Variants in GREB1L observed in about 807,000 individuals in gnomAD.
The protein encoded by GREB1L is GREB1 like retinoic acid receptor coactivator.
Under a neutral mutation model 200.8 loss-of-function variants are expected in GREB1L, and 17 were observed. The observed-to-expected ratio is 0.08, with a 90% confidence interval of 0.06 to 0.13. GREB1L has a LOEUF of 0.13. Ranked by LOEUF, GREB1L falls within the 10% of genes least tolerant of loss-of-function variation. The pLI, the probability that GREB1L is intolerant of heterozygous loss-of-function variation, is 1.00. For missense variants in GREB1L, 1,657 were observed against 2,367.7 expected, an observed-to-expected ratio of 0.70 and a Z score of 6.23; for synonymous variants, 789 against 893.0, an observed-to-expected ratio of 0.88 and a Z score of 2.08.
intron 1 of GREB1L, among the ~76,000 whole-genome samples, chr18:21,280,168 T>C (rs1239427415): frequency 6.6e-6 from 1 of 152,192 alleles, no homozygotes; most frequent in Middle Eastern, 3.2e-3. Context: ...TGCTCTACCG[T>C]TGTACTAAAA....
intron 7 of GREB1L, among the ~76,000 whole-genome samples, chr18:21,424,656 C>T (rs1418381800): frequency 1.3e-5 from 2 of 152,114 alleles, no homozygotes; most frequent in East Asian, 3.8e-4. Flanking sequence ...TCATGCAATT[C>T]ATCCATTAAA....
chr18:21,509,364 G>A (rs1568072641), intron 27 of GREB1L, among the ~76,000 whole-genome samples: 1 of 152,186 alleles, frequency 6.6e-6, no homozygotes. Context: ...CCATTTTAAA[G>A]GGAAGTAATA....
chr18:21,390,284 T>C (rs1795306754), intron 4 of GREB1L, among the ~76,000 whole-genome samples: 1 of 133,072 alleles, frequency 7.5e-6, no homozygotes, highest in Admixed American at 7.9e-5. Flanking sequence ...AGTGCACTCC[T>C]TCTACTTATT....
At chr18:21,281,186 T>G (rs564689969) in intron 1 of GREB1L, among the ~76,000 whole-genome samples, 1 of 152,364 alleles carries the variant, frequency 6.6e-6, no homozygotes, top group South Asian at 2.1e-4. Flanking sequence ...GTTAATAACC[T>G]CACCTTTGTC....
chr18:21,384,781 A>C (rs2040467729), intron 4 of GREB1L, among the ~76,000 whole-genome samples: 1 of 144,966 alleles, frequency 6.9e-6, no homozygotes, highest in East Asian at 2.1e-4. Context: ...ACTTCTTTCT[A>C]TTCCCCCCCG....
intron 16 of GREB1L, among the ~76,000 whole-genome samples, chr18:21,475,400 C>T (rs2035647615): frequency 6.6e-6 from 1 of 152,122 alleles, no homozygotes; most frequent in South Asian, 2.1e-4. Context: ...CACTCTGTCA[C>T]CCAGGCTGGA....
chr18:21,433,786 T>A (rs1341383237), intron 7 of GREB1L, among the ~76,000 whole-genome samples: 2 of 152,214 alleles, frequency 1.3e-5, no homozygotes, highest in Admixed American at 6.5e-5. Context: ...TCCTGTTCCT[T>A]AGAGCATGCT....
intron 1 of GREB1L, among the ~76,000 whole-genome samples, chr18:21,335,457 A>G (rs1297624873): frequency 6.6e-6 from 1 of 152,166 alleles, no homozygotes; most frequent in Non-Finnish European, 1.5e-5. Context: ...GACAAAATTA[A>G]TCTGAGAAGT....
chr18:21,393,016 G>T (rs1341711597), intron 4 of GREB1L, among the ~76,000 whole-genome samples: 1 of 152,052 alleles, frequency 6.6e-6, no homozygotes, highest in African/African-American at 2.4e-5. Context: ...CAAGCGATCT[G>T]CCTCTTTGGC....
chr18:21,444,485 C>T (rs998284791), intron 11 of GREB1L, 76 bp downstream of exon 11: 2 of 1,127,228 alleles, frequency 1.8e-6, no homozygotes, highest in African/African-American at 3.1e-5. Context: ...CTTTCTTTCT[C>T]ACATTTATCC....
At chr18:21,417,267 A>G (rs1425527399) in intron 7 of GREB1L, among the ~76,000 whole-genome samples, 1 of 151,774 alleles carries the variant, frequency 6.6e-6, no homozygotes, top group African/African-American at 2.4e-5. Context: ...CACGCCTGTA[A>G]TCCTAGCACT....
chr18:21,268,560 C>CAT (rs370094258), intron 1 of GREB1L, among the ~76,000 whole-genome samples: 2,056 of 63,370 alleles, frequency 0.032, 74 homozygotes, highest in Admixed American at 0.055. Context: ...CACACACACA[C>CAT]ATATATATAT....
At chr18:21,308,531 G>A (rs1245958319) in intron 1 of GREB1L, among the ~76,000 whole-genome samples, 2 of 152,212 alleles carry the variant, frequency 1.3e-5, no homozygotes, top group African/African-American at 4.8e-5. Flanking sequence ...TTGGTCCATA[G>A]GGAGCTGATT....
At chr18:21,307,072 A>G (rs933048196) in intron 1 of GREB1L, among the ~76,000 whole-genome samples, 8 of 152,218 alleles carry the variant, frequency 5.3e-5, no homozygotes, top group East Asian at 1.9e-4. Context: ...GCAGACTTCA[A>G]AGTTAAGAAC....
At chr18:21,380,871 C>T (rs1302739767) in intron 2 of GREB1L, among the ~76,000 whole-genome samples, 3 of 151,562 alleles carry the variant, frequency 2.0e-5, no homozygotes, top group South Asian at 2.1e-4. Flanking sequence ...GAGGCTGAGG[C>T]GGGTGGATCA....
intron 1 of GREB1L, among the ~76,000 whole-genome samples, chr18:21,347,082 A>C (rs2039356849): frequency 6.6e-6 from 1 of 152,150 alleles, no homozygotes; most frequent in African/African-American, 2.4e-5. Flanking sequence ...ACCACCGATC[A>C]GCCTGACCAA....
Position 21,477,197 on chromosome 18 carries a change from C to A in GREB1L, c.2397C>A (p.Pro799=). ...VISGSLSHSE[P]SHGLADRVIN... is the part of the protein sequence containing the mutation. ...CAGGCTCTTTGTCACATAGCGAACC[C>A]AGTCATGGGCTAGCTGATAGAGTCA... The change falls in exon 17 of 33, where the codon CCC becomes CCA. Residue 799 remains proline (P), a synonymous_variant. Transcript: ENST00000424526. 6.4e-7 allele frequency: 1 copy of A among 1,551,804 alleles called. No homozygotes were observed.
intron 28 of GREB1L, among the ~76,000 whole-genome samples, chr18:21,514,887 G>A (rs1378835063): frequency 2.0e-5 from 3 of 152,146 alleles, no homozygotes; most frequent in African/African-American, 7.2e-5. Context: ...GCTGGTCGGG[G>A]CATCTGTGAG....
chr18:21,355,143 A>G (rs2039485017), intron 1 of GREB1L, among the ~76,000 whole-genome samples: 2 of 151,988 alleles, frequency 1.3e-5, no homozygotes, highest in Admixed American at 1.3e-4. Context: ...TCAAGTCAGA[A>G]GCTGCAGTAT....
Sources: gnomAD v4.1 joint callset for allele counts (sites outside exome capture counted in the v4.1 genomes callset) on GRCh38, gnomAD v4.1.1 for gene constraint, MANE v1.5 for transcripts, NCBI Gene and HGNC (gene_info 2026-07-23, HGNC 2026-07-21) for gene names.